The following BAZ2B variants were observed in gnomAD, a reference collection of about 807,000 sequenced individuals.
BAZ2B encodes the protein bromodomain adjacent to zinc finger domain 2B, also known as bromodomain adjacent to zinc finger domain protein 2B.
BAZ2B carries 91 observed loss-of-function variants against 246.0 expected under a neutral mutation model. The observed-to-expected ratio is 0.37, with a 90% CI of 0.31 to 0.44. The LOEUF (loss-of-function observed/expected upper bound fraction) is 0.44. Among genes scored for constraint, BAZ2B ranks in the 20% least tolerant of loss-of-function variants. The pLI is 1.00. For missense variants in BAZ2B, 2,332 were observed against 2,533.7 expected (o/e 0.92, Z 1.71); for synonymous variants, 855 against 860.0 (o/e 0.99, Z 0.10).
the BAZ2B span, among the ~76,000 whole-genome samples, chr2:159,653,481 G>A: frequency 2.7e-5 from 4 of 150,642 alleles, no homozygotes; most frequent in African/African-American, 9.8e-5. Flanking sequence ...AAAAAGAGTT[G>A]GAAAGAATCG....
intron 2 of BAZ2B, among the ~76,000 whole-genome samples, chr2:159,548,910 A>G (rs542755073): frequency 5.9e-5 from 9 of 152,342 alleles, no homozygotes; most frequent in African/African-American, 2.2e-4. Flanking sequence ...AGCACTTACC[A>G]AAGTTTTTAG....
At chr2:159,687,059 G>A in the BAZ2B span, among the ~76,000 whole-genome samples, 3 of 95,810 alleles carry the variant, frequency 3.1e-5, no homozygotes, top group African/African-American at 7.6e-5. Context: ...AAAAAAAAAA[G>A]GCACCATAGT....
intron 1 of BAZ2B, among the ~76,000 whole-genome samples, chr2:159,591,659 C>A (rs4665087): frequency 0.92 from 140,575 of 152,236 alleles, 65,401 homozygotes; most frequent in East Asian, 1. Context: ...ACATATTTAA[C>A]TTTTACTGAT....
intron 14 of BAZ2B, among the ~76,000 whole-genome samples, chr2:159,411,141 C>G (rs1292611626): frequency 2.6e-5 from 4 of 152,180 alleles, no homozygotes; most frequent in African/African-American, 9.7e-5. Flanking sequence ...CCCACATCAG[C>G]CTCCACAATA....
At chr2:159,594,524 A>T (rs908435081) in intron 1 of BAZ2B, among the ~76,000 whole-genome samples, 1 of 152,272 alleles carries the variant, frequency 6.6e-6, no homozygotes, top group Non-Finnish European at 1.5e-5. Context: ...TTCTAATTTT[A>T]AAAATTTATG....
Position 159,337,647 on chromosome 2 carries a change from A to G in BAZ2B, c.5580T>C (p.His1860=), listed in dbSNP as rs2065897082. ...GGTTGTCACTCTTCCGTTCTAGTGC[A>G]TGTGCACTGCTTTCGTCTTCGCCAG... The part of the protein sequence containing the change: ...EFTGEDESSA[H]ALERKSDNPL... Residue 1860 remains histidine, a synonymous_variant, in exon 32 of 37, where the codon CAT becomes CAC. Transcript: ENST00000392783. 1 of 1,614,080 alleles carries G rather than the reference A, an allele frequency of 6.2e-7. No individual in the cohort carries two copies. The highest frequency in any genetic ancestry group is 1.3e-5 in the African/African-American group (1 of 74,940).
chr2:159,703,563 T>A, the BAZ2B span, among the ~76,000 whole-genome samples: 1 of 151,964 alleles, frequency 6.6e-6, no homozygotes, highest in African/African-American at 2.4e-5. Context: ...AAGCGCTGAG[T>A]TAAATATCCT....
chr2:159,441,811 T>C (rs1323388919), intron 6 of BAZ2B, among the ~76,000 whole-genome samples: 1 of 152,178 alleles, frequency 6.6e-6, no homozygotes, highest in Non-Finnish European at 1.5e-5. Flanking sequence ...TTTTAAAAGT[T>C]AGTCTTCTTA....
At chr2:159,626,066 T>C in the BAZ2B span, among the ~76,000 whole-genome samples, 1 of 149,058 alleles carries the variant, frequency 6.7e-6, no homozygotes, top group Non-Finnish European at 1.5e-5. Flanking sequence ...CTAACAAAGA[T>C]CAAAAGAGAC....
At chr2:159,612,715 C>T (rs542172066) in intron 1 of BAZ2B, among the ~76,000 whole-genome samples, 1 of 152,226 alleles carries the variant, frequency 6.6e-6, no homozygotes, top group East Asian at 1.9e-4. Context: ...TGTTCTGTTT[C>T]AATTCAATGA....
intron 27 of BAZ2B, among the ~76,000 whole-genome samples, chr2:159,355,531 C>T (rs2059013861): frequency 6.6e-6 from 1 of 152,134 alleles, no homozygotes; most frequent in African/African-American, 2.4e-5. Context: ...TGTATACTTG[C>T]ACACTTAATG....
the BAZ2B span, among the ~76,000 whole-genome samples, chr2:159,675,269 A>G: frequency 6.6e-6 from 1 of 152,008 alleles, no homozygotes; most frequent in African/African-American, 2.4e-5. Flanking sequence ...AAAGTTATCA[A>G]CACATCACAC....
intron 27 of BAZ2B, among the ~76,000 whole-genome samples, chr2:159,364,906 C>T (rs1451584237): frequency 6.6e-6 from 1 of 152,106 alleles, no homozygotes; most frequent in African/African-American, 2.4e-5. Context: ...AATTTAACAA[C>T]CCCGTTTGCC....
chr2:159,332,817 C>A, intron 33 of BAZ2B, 131 bp from the exon 34 acceptor site: 1 of 1,024,578 alleles, frequency 9.8e-7, no homozygotes, highest in East Asian at 2.6e-5. Context: ...TATACAGTAG[C>A]CATACACATC....
rs779297345 is a variant in BAZ2B at position 159,516,984 on chromosome 2, G to A, written c.-2-38263C>T. ...AAAAACCTGCCAAAAATAAAGAAAAGTCTTTAAATTTCAGCTGCTACAACA... is the reference window on the plus strand; with the variant it reads ...AAAAACCTGCCAAAAATAAAGAAAAATCTTTAAATTTCAGCTGCTACAACA... On this transcript the variant is annotated intron_variant, in intron 2 of 36. Transcript: ENST00000392783. Among the ~76,000 whole-genome samples, 146 of 151,974 alleles carry A rather than the reference G, an allele frequency of 9.6e-4. 5 individuals carry two copies. Among genetic ancestry groups the A allele is most frequent in the Non-Finnish European group, 2.8e-4 (19 of 67,942 alleles).
chr2:159,710,956 T>G, the BAZ2B span: 6 of 152,238 alleles, frequency 3.9e-5, no homozygotes, highest in African/African-American at 1.4e-4. Context: ...TGGAATGTAA[T>G]AGCTAACAAT....
chr2:159,693,765 G>A, the BAZ2B span: 2 of 150,824 alleles, frequency 1.3e-5, no homozygotes, highest in African/African-American at 2.5e-5. Context: ...CTGGAGTACC[G>A]TGACTATTCA....
intron 34 of BAZ2B, among the ~76,000 whole-genome samples, chr2:159,327,363 C>A (rs1016534775): frequency 1.3e-5 from 2 of 152,090 alleles, no homozygotes; most frequent in Non-Finnish European, 2.9e-5. Context: ...TCTTTATTGG[C>A]AGGTTAAAGT....
chr2:159,593,619 A>C (rs1405884573), intron 1 of BAZ2B, among the ~76,000 whole-genome samples: 1 of 152,234 alleles, frequency 6.6e-6, no homozygotes, highest in Non-Finnish European at 1.5e-5. Context: ...TGCCATTTTG[A>C]GTGGCATGAT....
Sources: gnomAD v4.1 joint callset for allele counts (sites outside exome capture counted in the v4.1 genomes callset) on GRCh38, gnomAD v4.1.1 for gene constraint, MANE v1.5 for transcripts, NCBI Gene and HGNC (gene_info 2026-07-23, HGNC 2026-07-21) for gene names.